The following ABI3BP variants were observed in gnomAD, a reference collection of about 807,000 sequenced individuals.
ABI3BP encodes ABI family member 3 binding protein.
Under a neutral mutation model 268.6 loss-of-function variants are expected in ABI3BP, and 216 were observed. That is an observed-to-expected ratio of 0.80 (90% CI 0.72 to 0.90). The LOEUF is 0.90. Ranked by LOEUF, ABI3BP falls within the 40% of genes least tolerant of loss-of-function variation. The probability of loss-of-function intolerance (pLI) is 0.00; values close to 1 mark genes in which losing one functional copy is unlikely to be tolerated. For synonymous variants in ABI3BP, 730 were observed against 730.0 expected (o/e 1.00, Z 0.00); for missense variants, 2,090 against 2,182.4 (o/e 0.96, Z 0.84).
chr3:100,850,201 G>A (rs1293615327), intron 16 of ABI3BP, 82 bp from the exon 17 acceptor site: 4 of 1,231,912 alleles, frequency 3.2e-6, no homozygotes, highest in Non-Finnish European at 4.6e-6. Flanking sequence ...CTTTTAGATG[G>A]TATAAAGCAC....
rs761330735 is a variant in ABI3BP at position 100,902,654 on chromosome 3, G to T, written c.292C>A (p.Pro98Thr). 2 of 1,613,908 alleles carry T rather than the reference G, an allele frequency of 1.2e-6. No homozygotes were observed. The highest frequency in any genetic ancestry group is 1.1e-5 in the South Asian group (1 of 91,068). Reference sequence around the variant, plus strand: ...TTCTTTTGACTTGGAGGTGGAGCAGGTCGCACAACTATCAGATATTTCGGC... The same window carrying T: ...TTCTTTTGACTTGGAGGTGGAGCAGTTCGCACAACTATCAGATATTTCGGC... ...AEPKYLIVVR[P>T]APPPSQKKSC... is the part of the protein sequence containing the mutation. The change falls in exon 3 of 68, where the codon CCT becomes ACT. Residue 98 changes from proline (P) to threonine (T), a missense_variant. Pro to Thr is a conservative substitution (Grantham distance 38). Transcript: ENST00000471714.
intron 54 of ABI3BP, among the ~76,000 whole-genome samples, chr3:100,793,512 A>G (rs1280718350): frequency 6.6e-6 from 1 of 152,066 alleles, no homozygotes; most frequent in African/African-American, 2.4e-5. Context: ...ACCAAGACAC[A>G]TTAGAAAAAT....
chr3:100,900,145 A>G (rs771482598), intron 3 of ABI3BP, among the ~76,000 whole-genome samples: 1 of 152,234 alleles, frequency 6.6e-6, no homozygotes, highest in Non-Finnish European at 1.5e-5. Flanking sequence ...TATCATTTAC[A>G]TGGTTGGAAA....
chr3:100,772,904 C>T (rs1210464166), intron 61 of ABI3BP, among the ~76,000 whole-genome samples: 1 of 151,578 alleles, frequency 6.6e-6, no homozygotes, highest in African/African-American at 2.4e-5. Context: ...CATGGTGAAA[C>T]CACATCTCTA....
At chr3:100,931,267 T>A (rs2063536946) in intron 1 of ABI3BP, among the ~76,000 whole-genome samples, 1 of 152,100 alleles carries the variant, frequency 6.6e-6, no homozygotes, top group Admixed American at 6.6e-5. Context: ...CTGGAAGCAT[T>A]TTCTCTGAGA....
chr3:100,918,322 G>GTCCACCCA (rs2059294758), intron 2 of ABI3BP, among the ~76,000 whole-genome samples: 1 of 148,002 alleles, frequency 6.8e-6, no homozygotes, highest in Non-Finnish European at 1.5e-5. Flanking sequence ...CCGTCCACCT[G>GTCCACCCA]TCCACCCGTC....
intron 1 of ABI3BP, among the ~76,000 whole-genome samples, chr3:100,983,021 C>T (rs2090303256): frequency 6.6e-6 from 1 of 152,232 alleles, no homozygotes; most frequent in Non-Finnish European, 1.5e-5. Flanking sequence ...TTAGGTCTCA[C>T]ATGCCCACAC....
rs530389970 is a variant in ABI3BP at position 100,986,661 on chromosome 3, T to C, written c.79+6645A>G. ...TTTGTATTTTTAGTGGAGATGGGGTTTCACCGTGTTGACTAGGCTGGTCTT... is the reference window on the plus strand; with the variant it reads ...TTTGTATTTTTAGTGGAGATGGGGTCTCACCGTGTTGACTAGGCTGGTCTT... On this transcript the variant is annotated intron_variant, in intron 1 of 67. Coordinates refer to ENST00000471714, the MANE Select transcript of ABI3BP (RefSeq NM_001375547.2). 5.3e-5 allele frequency among the ~76,000 whole-genome samples: 8 copies of C among 152,178 alleles called. No individual in the cohort carries two copies. In the South Asian group the frequency reaches 1.7e-3, roughly 32 times the overall value.
chr3:100,872,623 T>C (rs1225672253), intron 9 of ABI3BP, among the ~76,000 whole-genome samples: 1 of 152,174 alleles, frequency 6.6e-6, no homozygotes, highest in Non-Finnish European at 1.5e-5. Context: ...AAACAAGTTC[T>C]AGGCATGGGG....
chr3:100,790,698 T>G (rs2097175218), intron 55 of ABI3BP, among the ~76,000 whole-genome samples: 2 of 152,002 alleles, frequency 1.3e-5, no homozygotes, highest in African/African-American at 4.8e-5. Context: ...AAGTGCCTGA[T>G]GATTATTTGC....
intron 14 of ABI3BP, among the ~76,000 whole-genome samples, chr3:100,856,932 C>CATTGATCCA (rs2098946918): frequency 6.6e-6 from 1 of 152,172 alleles, no homozygotes; most frequent in Non-Finnish European, 1.5e-5. Flanking sequence ...AGAAGGACCT[C>CATTGATCCA]AGAGCCCAGT....
chr3:100,909,351 A>G (rs2055129101), intron 2 of ABI3BP, among the ~76,000 whole-genome samples: 1 of 152,200 alleles, frequency 6.6e-6, no homozygotes, highest in Non-Finnish European at 1.5e-5. Context: ...AGGCATGGGC[A>G]AAGACTTCAT....
At chr3:100,836,289 A>G (rs1426278732) in intron 27 of ABI3BP, among the ~76,000 whole-genome samples, 2 of 152,214 alleles carry the variant, frequency 1.3e-5, no homozygotes, top group African/African-American at 4.8e-5. Context: ...TTTCTATAAC[A>G]TTCTGAAATT....
At chr3:100,837,050 A>G in intron 27 of ABI3BP, 74 bp downstream of exon 27, 1 of 1,331,522 alleles carries the variant, frequency 7.5e-7, no homozygotes, top group Non-Finnish European at 1.0e-6. Context: ...TGTGCATATT[A>G]TAGCTAATGA....
intron 21 of ABI3BP, among the ~76,000 whole-genome samples, chr3:100,841,153 G>A (rs1208313225): frequency 3.0e-5 from 4 of 133,566 alleles, no homozygotes; most frequent in African/African-American, 1.1e-4. Context: ...TTCATGTTAT[G>A]AAGGAAAATA....
chr3:100,757,711 T>C (rs1175836124), intron 63 of ABI3BP, among the ~76,000 whole-genome samples: 1 of 152,178 alleles, frequency 6.6e-6, no homozygotes, highest in African/African-American at 2.4e-5. Flanking sequence ...CCAAAAGAGA[T>C]GTTGCCATTA....
At chr3:100,865,291 A>T (rs1355998555) in intron 10 of ABI3BP, among the ~76,000 whole-genome samples, 1 of 152,230 alleles carries the variant, frequency 6.6e-6, no homozygotes, top group African/African-American at 2.4e-5. Context: ...CTGAAGGATA[A>T]TCAAGATAAT....
At chr3:100,963,424 C>A (rs1237176046) in intron 1 of ABI3BP, among the ~76,000 whole-genome samples, 1 of 152,002 alleles carries the variant, frequency 6.6e-6, no homozygotes, top group East Asian at 1.9e-4. Context: ...AAATTTATTC[C>A]TTTTTTACTT....
intron 20 of ABI3BP, among the ~76,000 whole-genome samples, chr3:100,845,845 C>CTTT (rs36046418): frequency 3.5e-5 from 5 of 140,914 alleles, no homozygotes; most frequent in Non-Finnish European, 7.7e-5. Context: ...CAAAAGCAGC[C>CTTT]TTTTTTTTTT....
Sources: allele counts gnomAD v4.1 joint callset (sites outside exome capture counted in the v4.1 genomes callset), GRCh38; gene constraint gnomAD v4.1.1; transcripts MANE v1.5; gene names NCBI Gene and HGNC (gene_info 2026-07-23, HGNC 2026-07-21).